The following FNBP1 variants were observed in gnomAD, a reference collection of about 807,000 sequenced individuals.
The protein encoded by FNBP1 is formin binding protein 1.
FNBP1 carries 26 observed loss-of-function variants against 90.6 expected under a neutral mutation model. The ratio of observed to expected loss-of-function variants is 0.29; its 90% confidence interval spans 0.21 to 0.40. The LOEUF (loss-of-function observed/expected upper bound fraction) is 0.40, where lower values mean the gene tolerates loss of function less well. Ranked by LOEUF, FNBP1 falls within the 10% of genes least tolerant of loss-of-function variation. FNBP1 has a pLI of 1.00. For missense variants in FNBP1, 635 were observed against 768.0 expected (o/e 0.83, Z 2.05); for synonymous variants, 260 against 265.2 (o/e 0.98, Z 0.19).
chr9:130,026,959 C>A (rs1284014290), intron 1 of FNBP1, among the ~76,000 whole-genome samples: 1 of 146,372 alleles, frequency 6.8e-6, no homozygotes, highest in Non-Finnish European at 1.5e-5. Context: ...GAGCCAGACC[C>A]TGTCTCAAAA....
chr9:130,049,676 G>A, the FNBP1 span, among the ~76,000 whole-genome samples: 24 of 151,266 alleles, frequency 1.6e-4, no homozygotes, highest in Admixed American at 4.0e-4. Flanking sequence ...ACTCCAGCCC[G>A]GGAAACAAAG....
intron 1 of FNBP1, among the ~76,000 whole-genome samples, chr9:130,020,886 G>A (rs1471681326): frequency 6.6e-6 from 1 of 152,006 alleles, no homozygotes; most frequent in Admixed American, 6.6e-5. Flanking sequence ...AGATGGCCCC[G>A]TTAGGTTGTG....
At chr9:129,931,710 A>C (rs1381632807) in intron 6 of FNBP1, among the ~76,000 whole-genome samples, 1 of 151,944 alleles carries the variant, frequency 6.6e-6, no homozygotes, top group East Asian at 1.9e-4. Flanking sequence ...AGGTGGGAGG[A>C]TTGCTTGAGC....
intron 8 of FNBP1, among the ~76,000 whole-genome samples, chr9:129,925,858 T>C (rs914901304): frequency 6.6e-6 from 1 of 152,026 alleles, no homozygotes; most frequent in African/African-American, 2.4e-5. Context: ...CTTCCCAAAG[T>C]GCTGGCATTA....
chr9:129,916,110 C>A, intron 10 of FNBP1, 130 bp from the exon 11 acceptor site: 1 of 658,212 alleles, frequency 1.5e-6, no homozygotes, highest in South Asian at 1.8e-5. Flanking sequence ...ACACACACGT[C>A]TACCCGCTGA....
At chr9:130,050,899 C>T in the FNBP1 span, among the ~76,000 whole-genome samples, 1 of 72,846 alleles carries the variant, frequency 1.4e-5, no homozygotes, top group Non-Finnish European at 3.0e-5. Flanking sequence ...CAATCATGCT[C>T]GCTAATTTTT....
intron 6 of FNBP1, among the ~76,000 whole-genome samples, chr9:129,942,059 ACT>A (rs1314121756): frequency 6.7e-6 from 1 of 150,082 alleles, no homozygotes; most frequent in African/African-American, 2.5e-5. Flanking sequence ...AGACAGTGAG[ACT>A]CTGTCTCCAA....
At chr9:130,007,239 C>CAAAAAA (rs72063140) in intron 1 of FNBP1, among the ~76,000 whole-genome samples, 28 of 76,896 alleles carry the variant, frequency 3.6e-4, no homozygotes, top group East Asian at 8.2e-4. Flanking sequence ...GAGATCCTGT[C>CAAAAAA]AAAAAAAAAA....
intron 6 of FNBP1, among the ~76,000 whole-genome samples, chr9:129,949,274 C>T (rs1239220816): frequency 1.3e-5 from 2 of 152,120 alleles, no homozygotes; most frequent in Non-Finnish European, 2.9e-5. Context: ...TTGAGTTTTC[C>T]CTGCCAATAA....
At chr9:129,911,805 G>C (rs1199221285) in intron 11 of FNBP1, among the ~76,000 whole-genome samples, 3 of 151,788 alleles carry the variant, frequency 2.0e-5, no homozygotes, top group South Asian at 2.1e-4. Flanking sequence ...GGTAGCACCC[G>C]CCTGTAGTTC....
upstream of FNBP1, among the ~76,000 whole-genome samples, chr9:130,044,522 G>A (rs1294378984): frequency 2.0e-5 from 3 of 152,114 alleles, no homozygotes; most frequent in African/African-American, 7.2e-5. Context: ...CCAGCTACTT[G>A]GGAGACTGAG....
intron 6 of FNBP1, among the ~76,000 whole-genome samples, chr9:129,930,124 G>C (rs997925483): frequency 6.6e-6 from 1 of 151,258 alleles, no homozygotes; most frequent in Non-Finnish European, 1.5e-5. Context: ...GCAGTGGCAC[G>C]ATCCTGGCTC....
rs1335778424 is a variant in FNBP1 at position 129,966,890 on chromosome 9, C to T, written c.346-8337G>A. Among the ~76,000 whole-genome samples, 1 of 152,136 alleles carries T rather than the reference C, an allele frequency of 6.6e-6. No homozygotes were observed. The highest frequency in any genetic ancestry group is 2.4e-5 in the African/African-American group (1 of 41,430). ...GTGGTGGCTCTGACATGGAGATGGA[C>T]AGTTGGACCACTGGCCACAGGGTAA... On this transcript the variant is annotated intron_variant, in intron 4 of 16. Coordinates refer to ENST00000446176, the MANE Select transcript of FNBP1 (RefSeq NM_015033.3). The surrounding 1 kb of genome is among the most constrained non-coding windows in gnomAD (Gnocchi z 4.3).
chr9:129,963,794 T>C (rs2048189323), intron 4 of FNBP1, among the ~76,000 whole-genome samples: 1 of 152,050 alleles, frequency 6.6e-6, no homozygotes. Flanking sequence ...TTTGTGTTTT[T>C]AGTAGAGACA....
intron 15 of FNBP1, among the ~76,000 whole-genome samples, chr9:129,896,320 C>T (rs1205042569): frequency 6.6e-6 from 1 of 152,136 alleles, no homozygotes; most frequent in Admixed American, 6.6e-5. Flanking sequence ...TTCTGTCTCA[C>T]TTGGATCTCT....
chr9:129,960,562 T>C (rs1489928003), intron 4 of FNBP1, among the ~76,000 whole-genome samples: 1 of 152,026 alleles, frequency 6.6e-6, no homozygotes, highest in Non-Finnish European at 1.5e-5. Context: ...AGGCAGGCTC[T>C]GGTGTGGTGT....
intron 11 of FNBP1, among the ~76,000 whole-genome samples, chr9:129,911,772 G>C (rs940510138): frequency 5.3e-5 from 8 of 151,766 alleles, no homozygotes; most frequent in African/African-American, 1.9e-4. Context: ...CTCGACTAAA[G>C]ACACAAAAAA....
intron 1 of FNBP1, among the ~76,000 whole-genome samples, chr9:130,030,054 T>A (rs1303502794): frequency 6.6e-6 from 1 of 152,048 alleles, no homozygotes; most frequent in Non-Finnish European, 1.5e-5. Context: ...TGCTAGAAAG[T>A]GATGAGATAA....
At chr9:130,015,398 T>G (rs1570380) in intron 1 of FNBP1, among the ~76,000 whole-genome samples, 150,835 of 152,280 alleles carry the variant, frequency 0.99, 74,721 homozygotes, top group Non-Finnish European at 1. Context: ...CTTGATACCT[T>G]CTAGCAGGAA....
Sources: allele counts gnomAD v4.1 joint callset (sites outside exome capture counted in the v4.1 genomes callset), GRCh38; gene constraint gnomAD v4.1.1; non-coding constraint Gnocchi (gnomAD v3.1); transcripts MANE v1.5; gene names NCBI Gene and HGNC (gene_info 2026-07-23, HGNC 2026-07-21).